The following FUT5 variants were observed in gnomAD, a reference collection of about 807,000 sequenced individuals.
FUT5 encodes 4-galactosyl-N-acetylglucosaminide 3-alpha-L-fucosyltransferase FUT5.
In FUT5, 1 loss-of-function variant was observed where a neutral mutation model predicts 0.8. The ratio of observed to expected loss-of-function variants is 1.26; its 90% CI spans 0.45 to 5.99. FUT5 has a LOEUF of 5.99. Ranked by LOEUF, FUT5 falls within the 30% of genes most tolerant of loss-of-function variation. FUT5 has a pLI of 0.15. For synonymous variants in FUT5, 212 were observed against 225.7 expected, an observed-to-expected ratio of 0.94 and a Z score of 0.54; for missense variants, 437 against 517.8, an observed-to-expected ratio of 0.84 and a Z score of 1.51.
At position 5,867,520 on chromosome 19, in the gene FUT5, G is replaced by A. The variant is rs748857115; in HGVS notation, c.206C>T (p.Ala69Val). Residue 69 changes from alanine (A) to valine (V), a missense_variant, in exon 2 of 2, where the codon GCG becomes GTG. Coordinates refer to ENST00000588525, the MANE Select transcript of FUT5 (RefSeq NM_002034.2). The surrounding 1 kb of genome is among the most constrained non-coding windows in gnomAD (Gnocchi z 5.0). ...PNGSRCQDSM[A>V]TPAHPTLLIL... ...CAGTAGGGTGGGGTGGGCAGGGGTC[G>A]CCATGCTGTCCTGGCAGCGGGACCC... The A allele has an allele frequency of 9.3e-6, 15 of 1,613,218 alleles. No homozygotes were observed. Among genetic ancestry groups the A allele is most frequent in the Admixed American group, 5.0e-5 (3 of 60,006 alleles).
Position 5,866,587 on chromosome 19 carries a change from C to T in FUT5, c.*14G>A. On this transcript the variant is annotated 3_prime_UTR_variant, in exon 2 of 2. Transcript: ENST00000588525. The surrounding 1 kb of genome is among the most constrained non-coding windows in gnomAD (Gnocchi z 4.9). Reference sequence around the variant, plus strand: ...AAAGTGAGGTCCCGGCAGCCCAGGCCCCATGCCGGCCTCTCAGGTGAACCA... The same window carrying T: ...AAAGTGAGGTCCCGGCAGCCCAGGCTCCATGCCGGCCTCTCAGGTGAACCA... 2 of 1,613,132 alleles carry T rather than the reference C, an allele frequency of 1.2e-6. No homozygotes were observed. Among genetic ancestry groups the T allele is most frequent in the Non-Finnish European group, 1.7e-6 (2 of 1,180,018 alleles).
At chr19:5,870,082 A>AG (rs2057518104) in intron 1 of FUT5, among the ~76,000 whole-genome samples, 1 of 151,188 alleles carries the variant, frequency 6.6e-6, no homozygotes, top group Non-Finnish European at 1.5e-5. Flanking sequence ...AAAAAAAAAA[A>AG]AAAAAGAAAA....
rs2057503186 is a variant in FUT5, at chr19:5,866,476, C to T, written c.*125G>A. ...AGGTGAGGCCCCAGGCAGGTGAGAC[C>T]CCAGGCAGCCGAGGCCCCAGGCAGC... On this transcript the variant is annotated 3_prime_UTR_variant, in exon 2 of 2. Transcript: ENST00000588525. The surrounding 1 kb of genome is among the most constrained non-coding windows in gnomAD (Gnocchi z 4.9). 2 of 1,088,618 alleles carry T rather than the reference C, an allele frequency of 1.8e-6. No homozygotes were observed. Among genetic ancestry groups the T allele is most frequent in the Admixed American group, 2.3e-5 (1 of 43,242 alleles). 67.4% of individuals were successfully genotyped at this position (1,088,618 alleles called of 1,614,324 possible).
At chr19:5,869,040 G>GCTAGAGT (rs2057514932) in intron 1 of FUT5, among the ~76,000 whole-genome samples, 1 of 151,090 alleles carries the variant, frequency 6.6e-6, no homozygotes, top group South Asian at 2.1e-4. Flanking sequence ...AGAGTGCAGT[G>GCTAGAGT]GCATGATCTC....
Position 5,865,955 on chromosome 19 carries a change from A to G in FUT5, c.*646T>C, listed in dbSNP as rs1304399365. On this transcript the variant is annotated 3_prime_UTR_variant, in exon 2 of 2. Transcript: ENST00000588525. ...TCAAGGGCACCCGTTCTCAGGGCCC[A>G]GTGCCCTCCAGGGTGAGGCATCGCA... The G allele has an allele frequency of 6.1e-6, 1 of 164,114 alleles. No individual in the cohort carries two copies. Among genetic ancestry groups the G allele is most frequent in the African/African-American group, 2.4e-5 (1 of 41,618 alleles). The allele number at this position is 164,114 out of a possible 1,614,324, so 10.2% of individuals were successfully genotyped here.
chr19:5,867,893 G>A lies in FUT5; in HGVS notation c.-12-156C>T, dbSNP rs963162598. Among the ~76,000 whole-genome samples the A allele has an allele frequency of 1.3e-5, 2 of 152,176 alleles. No homozygotes were observed. The highest frequency in any genetic ancestry group is 4.8e-5 in the African/African-American group (2 of 41,450). On this transcript the variant is annotated intron_variant, in intron 1 of 1. Transcript: ENST00000588525. This position sits in a 1 kb window ranked among gnomAD's most constrained non-coding sequence, Gnocchi z 5.0. The stretch of plus-strand genomic sequence containing the variant: ...GGATTGAATTTATAACTCTGACAGG[G>A]AAGGGTACGATGGGATTAGGTTTTG...
Position 5,866,999 on chromosome 19 carries a change from G to T in FUT5, c.727C>A (p.Pro243Thr). The T allele has an allele frequency of 6.2e-7, 1 of 1,613,700 alleles. No individual in the cohort carries two copies. Residue 243 changes from proline (P) to threonine (T), a missense_variant, in exon 2 of 2, where the codon CCC becomes ACC. By Grantham distance (38) the Pro-to-Thr change is conservative. Around this residue, in one of 2 missense-constraint regions of FUT5, gnomAD observed 176 missense variants for 275.2 expected, o/e 0.64. Transcript: ENST00000588525. This position sits in a 1 kb window ranked among gnomAD's most constrained non-coding sequence, Gnocchi z 4.9. ...AGCGTCTCCATCATGGTCCCCTTGG[G>T]CAGGGGCTTGTGGGAGCGTCCGTAC... Reference protein sequence around the residue: ...DVYGRSHKPLPKGTMMETLSR... With the variant: ...DVYGRSHKPLTKGTMMETLSR...
In FUT5 at chr19:5,866,330, C is replaced by T. The variant is rs561958749; in HGVS notation, c.*271G>A. ...GGTGCAGCCTCCAGAAAGCAAGGTC[C>T]CCAGTAGGCACCATCCCCAGCCCCA... is the stretch of plus-strand genomic sequence containing the variant. On this transcript the variant is annotated 3_prime_UTR_variant, in exon 2 of 2. Transcript: ENST00000588525. The surrounding 1 kb of genome is among the most constrained non-coding windows in gnomAD (Gnocchi z 4.9). 5.2e-5 allele frequency: 31 copies of T among 592,850 alleles called. No homozygotes were observed. The highest frequency in any genetic ancestry group is 5.2e-4 in the African/African-American group (28 of 53,630). 36.7% of individuals were successfully genotyped at this position (592,850 alleles called of 1,614,324 possible).
At chr19:5,870,199 G>C (rs77238323) in intron 1 of FUT5, among the ~76,000 whole-genome samples, 247 of 150,898 alleles carry the variant, frequency 1.6e-3, no homozygotes, top group Non-Finnish European at 1.6e-3. Context: ...TGGAGTCACC[G>C]TGAGCCACTG....
Position 5,867,619 on chromosome 19 carries a change from A to G in FUT5, c.107T>C (p.Val36Ala). 1 of 1,613,654 alleles carries G rather than the reference A, an allele frequency of 6.2e-7. No homozygotes were observed. Among genetic ancestry groups the G allele is most frequent in the Non-Finnish European group, 8.5e-7 (1 of 1,180,032 alleles). The change falls in exon 2 of 2, where the codon GTG becomes GCG. Residue 36 changes from valine (V) to alanine (A), a missense_variant. Coordinates refer to ENST00000588525, the MANE Select transcript of FUT5 (RefSeq NM_002034.2). This position sits in a 1 kb window ranked among gnomAD's most constrained non-coding sequence, Gnocchi z 5.0. Reference sequence around the variant, plus strand: ...GGATCCAGTGGCATCGTCTCGGGACACACGCAGGTAGGAGAAGAAACACAC... The same window carrying G: ...GGATCCAGTGGCATCGTCTCGGGACGCACGCAGGTAGGAGAAGAAACACAC... ...VAVCFFSYLR[V>A]SRDDATGSPR...
chr19:5,866,360 G>C lies in FUT5; in HGVS notation c.*241C>G. 1.5e-6 allele frequency: 1 copy of C among 646,174 alleles called. No homozygotes were observed. The highest frequency in any genetic ancestry group is 2.8e-5 in the East Asian group (1 of 36,062). 40.0% of individuals were successfully genotyped at this position (646,174 alleles called of 1,614,324 possible). ...TAGGCACCATCCCCAGCCCCAGCTG[G>C]CAAGGTCCCCAGCAGGGGAGGCTCC... On this transcript the variant is annotated 3_prime_UTR_variant, in exon 2 of 2. Coordinates refer to ENST00000588525, the MANE Select transcript of FUT5 (RefSeq NM_002034.2). This position sits in a 1 kb window ranked among gnomAD's most constrained non-coding sequence, Gnocchi z 4.9.
intron 1 of FUT5, among the ~76,000 whole-genome samples, chr19:5,869,146 T>C (rs2057515304): frequency 6.6e-6 from 1 of 151,938 alleles, no homozygotes; most frequent in Non-Finnish European, 1.5e-5. Context: ...CATGCCCGGC[T>C]AATTTTTTTT....
At position 5,867,878 on chromosome 19, in the gene FUT5, T is replaced by C; in HGVS notation, c.-12-141A>G. On this transcript the variant is annotated intron_variant, in intron 1 of 1. Transcript: ENST00000588525. This position sits in a 1 kb window ranked among gnomAD's most constrained non-coding sequence, Gnocchi z 5.0. ...GTACCCCTGAGTTGAGGATTGAATT[T>C]ATAACTCTGACAGGGAAGGGTACGA... The C allele has an allele frequency of 1.1e-6, 1 of 884,714 alleles. No homozygotes were observed. The highest frequency in any genetic ancestry group is 1.8e-6 in the Non-Finnish European group (1 of 557,402). The allele number at this position is 884,714 out of a possible 1,614,324, so 54.8% of individuals were successfully genotyped here.
At chr19:5,868,316 T>C (rs1290591872) in intron 1 of FUT5, among the ~76,000 whole-genome samples, 2 of 151,962 alleles carry the variant, frequency 1.3e-5, no homozygotes, top group African/African-American at 4.8e-5. Context: ...CCGCTTGTTC[T>C]GGAGACACCC....
At position 5,867,200 on chromosome 19, in the gene FUT5, A is replaced by T. The variant is rs770593747; in HGVS notation, c.526T>A (p.Ser176Thr). The change falls in exon 2 of 2, where the codon TCC (serine) becomes ACC (threonine). Residue 176 changes from serine (S) to threonine (T), a missense_variant. Physicochemically the swap from Ser to Thr is moderately conservative, Grantham distance 58. This residue lies in a region of FUT5 where 176 missense variants were observed against 275.2 expected (regional missense o/e 0.64). Coordinates refer to ENST00000588525, the MANE Select transcript of FUT5 (RefSeq NM_002034.2). The surrounding 1 kb of genome is among the most constrained non-coding windows in gnomAD (Gnocchi z 5.0). ...CAGCCGTAGGGCGTGAAGATGTCGGAGTCGCTGCGGTAGGACATGGTGAGA... is the reference window on the plus strand; with the variant it reads ...CAGCCGTAGGGCGTGAAGATGTCGGTGTCGCTGCGGTAGGACATGGTGAGA... ...FNLTMSYRSD[S>T]DIFTPYGWLE... The T allele has an allele frequency of 5.0e-5, 80 of 1,609,946 alleles. 2 individuals are homozygous for T. The Admixed American group carries it at 1.2e-3, about 24-fold the overall frequency.
chr19:5,867,370 A>G lies in FUT5; in HGVS notation c.356T>C (p.Val119Ala). The G allele has an allele frequency of 1.9e-6, 3 of 1,613,808 alleles. No homozygotes were observed. Among genetic ancestry groups the G allele is most frequent in the Non-Finnish European group, 2.5e-6 (3 of 1,179,996 alleles). ...DSSVYPQADA[V>A]IVHHWDIMYN... ...CATGATATCCCAGTGGTGCACGATGACCGCGTCTGCCTGTGGGTACACACT... is the reference window on the plus strand; with the variant it reads ...CATGATATCCCAGTGGTGCACGATGGCCGCGTCTGCCTGTGGGTACACACT... Residue 119 changes from valine to alanine, a missense_variant, in exon 2 of 2, where the codon GTC becomes GCC. Physicochemically the swap from Val to Ala is moderately conservative, Grantham distance 64. This residue lies in a region of FUT5 where 261 missense variants were observed against 242.6 expected (regional missense o/e 1.08). Transcript: ENST00000588525. The surrounding 1 kb of genome is among the most constrained non-coding windows in gnomAD (Gnocchi z 5.0).
intron 1 of FUT5, among the ~76,000 whole-genome samples, chr19:5,868,514 A>G (rs1047809006): frequency 4.6e-5 from 7 of 152,182 alleles, no homozygotes; most frequent in Non-Finnish European, 1.0e-4. Context: ...TTAAATGTAC[A>G]TCTAAAAACT....
chr19:5,866,491 C>CCCCAGGCAGCCGAGGA lies in FUT5; in HGVS notation c.*109_*110insTCCTCGGCTGCCTGGG. Reference sequence around the variant, plus strand: ...CAGGTGAGACCCCAGGCAGCCGAGGCCCCAGGCAGCCGAGGCCCCAGGTAG... The same window carrying CCCCAGGCAGCCGAGGA: ...CAGGTGAGACCCCAGGCAGCCGAGGCCCCAGGCAGCCGAGGACCCAGGCAGCCGAGGCCCCAGGTAG... On this transcript the variant is annotated 3_prime_UTR_variant, in exon 2 of 2. Transcript: ENST00000588525. This position sits in a 1 kb window ranked among gnomAD's most constrained non-coding sequence, Gnocchi z 4.9. 6.6e-7 allele frequency: 1 copy of CCCCAGGCAGCCGAGGA among 1,524,402 alleles called. No homozygotes were observed. The highest frequency in any genetic ancestry group is 8.9e-7 in the Non-Finnish European group (1 of 1,127,368). The allele number at this position is 1,524,402 out of a possible 1,614,324, so 94.4% of individuals were successfully genotyped here.
intron 1 of FUT5, among the ~76,000 whole-genome samples, chr19:5,868,151 T>A (rs574886700): frequency 6.6e-6 from 1 of 152,104 alleles, no homozygotes; most frequent in Non-Finnish European, 1.5e-5. Flanking sequence ...ACTGTCCCCG[T>A]CCTGGGGGAG....
Sources: gnomAD v4.1 joint callset for allele counts (sites outside exome capture counted in the v4.1 genomes callset) on GRCh38, gnomAD v4.1.1 for gene constraint, gnomAD v4.1.1 regional missense constraint, Gnocchi (gnomAD v3.1) non-coding constraint, MANE v1.5 for transcripts, NCBI Gene and HGNC (gene_info 2026-07-23, HGNC 2026-07-21) for gene names.